AMOTL1: variants seen among roughly 807,000 people sequenced by gnomAD.
The protein encoded by AMOTL1 is angiomotin like 1.
Under a neutral mutation model 102.9 loss-of-function variants are expected in AMOTL1, and 45 were observed. The observed-to-expected ratio is 0.44, with a 90% CI of 0.34 to 0.56. AMOTL1 has a LOEUF of 0.56. Ranked by LOEUF, AMOTL1 falls within the 20% of genes least tolerant of loss-of-function variation. The pLI is 0.01. For synonymous variants in AMOTL1, 481 were observed against 484.7 expected (o/e 0.99, Z 0.10); for missense variants, 1,114 against 1,225.6 (o/e 0.91, Z 1.36).
chr11:94,852,126 T>C (rs1952552225), intron 7 of AMOTL1, among the ~76,000 whole-genome samples: 1 of 152,156 alleles, frequency 6.6e-6, no homozygotes, highest in African/African-American at 2.4e-5. Context: ...AAATATTTTG[T>C]CAGATGAGGC....
intron 7 of AMOTL1, among the ~76,000 whole-genome samples, chr11:94,851,308 C>G (rs12790146): frequency 2.9e-4 from 44 of 152,282 alleles, no homozygotes; most frequent in Admixed American, 5.2e-4. Flanking sequence ...TAAGGAAAAT[C>G]ATGGTTTTTA....
chr11:94,870,332 G>A (rs1197174187), intron 12 of AMOTL1, among the ~76,000 whole-genome samples: 3 of 152,162 alleles, frequency 2.0e-5, no homozygotes, highest in African/African-American at 7.2e-5. Context: ...ATACAATGTT[G>A]TCACTTTTTA....
chr11:94,784,267 C>G (rs573109616), intron 1 of AMOTL1, among the ~76,000 whole-genome samples: 1 of 152,214 alleles, frequency 6.6e-6, no homozygotes, highest in East Asian at 1.9e-4. Context: ...AGGATTATCC[C>G]CCCATTCTTA....
chr11:94,827,535 G>A (rs1161998481), intron 4 of AMOTL1, among the ~76,000 whole-genome samples: 1 of 152,232 alleles, frequency 6.6e-6, no homozygotes, highest in Non-Finnish European at 1.5e-5. Flanking sequence ...ATAATTCATG[G>A]TAAGGCTATG....
intron 6 of AMOTL1, among the ~76,000 whole-genome samples, chr11:94,834,662 G>A (rs1952137625): frequency 6.6e-6 from 1 of 152,162 alleles, no homozygotes; most frequent in African/African-American, 2.4e-5. Flanking sequence ...GCTTCTGCCA[G>A]CCACCTTGGC....
intron 1 of AMOTL1, among the ~76,000 whole-genome samples, chr11:94,768,989 C>A (rs1950901596): frequency 6.6e-6 from 1 of 152,104 alleles, no homozygotes. Context: ...GCGCGCGCAC[C>A]GGCCCGCCCG....
rs1269043577 is a variant in AMOTL1 at position 94,799,214 on chromosome 11, T to G, written c.200-176T>G. 6.6e-6 allele frequency among the ~76,000 whole-genome samples: 1 copy of G among 152,076 alleles called. No homozygotes were observed. The highest frequency in any genetic ancestry group is 1.5e-5 in the Non-Finnish European group (1 of 68,004). ...GGAGTGCAGAATAGTAGACTCGCTT[T>G]GAATTGGAGAAGAAAATTCCATGAG... is the stretch of plus-strand genomic sequence containing the variant. On this transcript the variant is annotated intron_variant, in intron 2 of 12. Transcript: ENST00000433060. This position sits in a 1 kb window ranked among gnomAD's most constrained non-coding sequence, Gnocchi z 4.5.
chr11:94,797,602 C>T (rs1242007381), intron 2 of AMOTL1, among the ~76,000 whole-genome samples: 1 of 152,168 alleles, frequency 6.6e-6, no homozygotes, highest in Non-Finnish European at 1.5e-5. Flanking sequence ...CTCAGGCCTG[C>T]AGGGCTGTAG....
intron 1 of AMOTL1, among the ~76,000 whole-genome samples, chr11:94,713,472 T>C (rs1012762229): frequency 6.6e-6 from 1 of 151,872 alleles, no homozygotes; most frequent in African/African-American, 2.4e-5. Flanking sequence ...TGGGGAGAAA[T>C]GACATTTTTA....
intron 5 of AMOTL1, among the ~76,000 whole-genome samples, chr11:94,830,547 A>G (rs1952049597): frequency 6.6e-6 from 1 of 152,186 alleles, no homozygotes; most frequent in African/African-American, 2.4e-5. Flanking sequence ...TAGACGCACA[A>G]CCCTTTCCAC....
At chr11:94,798,248 G>A (rs1951404630) in intron 2 of AMOTL1, among the ~76,000 whole-genome samples, 1 of 152,212 alleles carries the variant, frequency 6.6e-6, no homozygotes, top group South Asian at 2.1e-4. Flanking sequence ...ATAACACATG[G>A]AGAGAATTTA....
At chr11:94,729,740 C>T (rs183822412) in intron 2 of AMOTL1, among the ~76,000 whole-genome samples, 3 of 152,290 alleles carry the variant, frequency 2.0e-5, no homozygotes, top group East Asian at 3.9e-4. Context: ...GAGGTTAATG[C>T]ACTCACAGAT....
chr11:94,836,251 G>T (rs1760845583), intron 6 of AMOTL1, among the ~76,000 whole-genome samples: 1 of 152,178 alleles, frequency 6.6e-6, no homozygotes, highest in Admixed American at 6.5e-5. Flanking sequence ...TTTCTATCAA[G>T]CATCATTAGG....
At chr11:94,707,096 G>T (rs1418279513) in intron 1 of AMOTL1, among the ~76,000 whole-genome samples, 1 of 152,142 alleles carries the variant, frequency 6.6e-6, no homozygotes, top group Non-Finnish European at 1.5e-5. Context: ...CAGGATGCCT[G>T]TTCTGACATG....
chr11:94,771,675 C>A (rs539613930), intron 1 of AMOTL1, among the ~76,000 whole-genome samples: 1 of 152,214 alleles, frequency 6.6e-6, no homozygotes, highest in South Asian at 2.1e-4. Context: ...TATGTGTTGG[C>A]ATCAAGCTGA....
intron 3 of AMOTL1, among the ~76,000 whole-genome samples, chr11:94,820,705 A>C (rs939300223): frequency 6.6e-6 from 1 of 152,140 alleles, no homozygotes; most frequent in Non-Finnish European, 1.5e-5. Context: ...AATCAGTAGG[A>C]GCCCTGAGCT....
In AMOTL1 at chr11:94,781,689, C is replaced by G. The variant is rs200343713; in HGVS notation, c.49+13129C>G. 5.9e-5 allele frequency among the ~76,000 whole-genome samples: 9 copies of G among 151,848 alleles called. No individual in the cohort carries two copies. The East Asian group carries it at 1.8e-3, about 30-fold the overall frequency. On this transcript the variant is annotated intron_variant, in intron 1 of 12. Transcript: ENST00000433060. ...GTCTCTACTAAAAATACAAAAATTA[C>G]CTGGGTGTGGTGGTGCATGCCTGTA...
intron 12 of AMOTL1, 117 bp from the exon 13 acceptor site, chr11:94,870,572 C>A: frequency 1.5e-6 from 1 of 673,130 alleles, no homozygotes; most frequent in Non-Finnish European, 2.5e-6. Flanking sequence ...CTCACATGCC[C>A]TGTGGTGAGA....
chr11:94,859,557 G>A lies in AMOTL1; in HGVS notation c.1977G>A (p.Pro659=), dbSNP rs373638904. ...GAAATGGCCAGCCAGCCAACATGCC[G>A]GAATACAATGCCCCAGCCCTCCTGG... The part of the protein sequence containing the change: ...KHGNGQPANM[P]EYNAPALLEL... The change falls in exon 9 of 13, where the codon CCG becomes CCA. Residue 659 remains proline, a synonymous_variant. Transcript: ENST00000433060. The A allele has an allele frequency of 3.0e-5, 48 of 1,612,896 alleles. No individual in the cohort carries two copies. Among genetic ancestry groups the A allele is most frequent in the Admixed American group, 6.7e-5 (4 of 59,762 alleles).
Sources: gnomAD v4.1 joint callset for allele counts (sites outside exome capture counted in the v4.1 genomes callset) on GRCh38, gnomAD v4.1.1 for gene constraint, Gnocchi (gnomAD v3.1) non-coding constraint, MANE v1.5 for transcripts, NCBI Gene and HGNC (gene_info 2026-07-23, HGNC 2026-07-21) for gene names.